The following FSTL4 variants were observed in gnomAD, a reference collection of about 807,000 sequenced individuals.
FSTL4 encodes the protein follistatin-related protein 4.
A neutral mutation model predicts 78.2 loss-of-function variants in FSTL4; 28 were observed. The ratio of observed to expected loss-of-function variants is 0.36; its 90% CI spans 0.27 to 0.49. The LOEUF (loss-of-function observed/expected upper bound fraction) is 0.49. FSTL4 is among the 20% of genes least tolerant of loss of function. The probability of loss-of-function intolerance (pLI) is 0.98; values close to 1 mark genes in which losing one functional copy is unlikely to be tolerated. For missense variants in FSTL4, 922 were observed against 1,084.9 expected (o/e 0.85, Z 2.11); for synonymous variants, 422 against 440.5 (o/e 0.96, Z 0.53).
At chr5:133,615,849 AAAG>A (rs1003180201), upstream of FSTL4, among the ~76,000 whole-genome samples, 2 of 152,124 alleles carry the variant, frequency 1.3e-5, no homozygotes, top group Non-Finnish European at 2.9e-5. Flanking sequence ...TTTTCGAGAC[AAAG>A]AAGAAGTGGT....
At chr5:133,730,791 C>T in the FSTL4 span, among the ~76,000 whole-genome samples, 2 of 152,180 alleles carry the variant, frequency 1.3e-5, no homozygotes, top group African/African-American at 4.8e-5. Context: ...GAAACCAGCC[C>T]ATCTGTCTGG....
intron 3 of FSTL4, among the ~76,000 whole-genome samples, chr5:133,564,857 T>C (rs1309468950): frequency 2.6e-5 from 4 of 152,210 alleles, no homozygotes; most frequent in African/African-American, 9.7e-5. Flanking sequence ...CCCACTATGA[T>C]TTGGCTTGGA....
Position 133,225,090 on chromosome 5 carries a change from C to T in FSTL4, c.1312+60G>A, listed in dbSNP as rs1310090772. On this transcript the variant is annotated intron_variant, in intron 10 of 15. Coordinates refer to ENST00000265342, the MANE Select transcript of FSTL4 (RefSeq NM_015082.2). The surrounding 1 kb of genome is among the most constrained non-coding windows in gnomAD (Gnocchi z 4.6). ...GTGGCCCTGGTCAATTGGTGCCCTCCCTTGCCACCCAACACCTCCCAGCCA... is the reference window on the plus strand; with the variant it reads ...GTGGCCCTGGTCAATTGGTGCCCTCTCTTGCCACCCAACACCTCCCAGCCA... 1 of 1,602,360 alleles carries T rather than the reference C, an allele frequency of 6.2e-7. No homozygotes were observed. The highest frequency in any genetic ancestry group is 1.3e-5 in the African/African-American group (1 of 74,736).
intron 4 of FSTL4, among the ~76,000 whole-genome samples, chr5:133,346,478 T>A (rs984163619): frequency 1.3e-5 from 2 of 152,248 alleles, no homozygotes; most frequent in African/African-American, 4.8e-5. Flanking sequence ...GTGTTGCTAA[T>A]GCCAATCTGC....
Position 133,225,231 on chromosome 5 carries a change from A to T in FSTL4, c.1231T>A (p.Tyr411Asn), listed in dbSNP as rs961714184. The T allele has an allele frequency of 6.2e-7, 1 of 1,613,912 alleles. No individual in the cohort carries two copies. The highest frequency in any genetic ancestry group is 1.3e-5 in the African/African-American group (1 of 74,940). ...ACTTCATTTTTGGCAATGCAGGTGTATGCCCCTGTGTCTTCATACCGAACA... is the reference window on the plus strand; with the variant it reads ...ACTTCATTTTTGGCAATGCAGGTGTTTGCCCCTGTGTCTTCATACCGAACA... ...SSVRYEDTGA[Y>N]TCIAKNEVGV... is the part of the protein sequence containing the mutation. The change falls in exon 10 of 16, where the codon TAC (tyrosine) becomes AAC (asparagine). Residue 411 changes from tyrosine to asparagine, a missense_variant. Coordinates refer to ENST00000265342, the MANE Select transcript of FSTL4 (RefSeq NM_015082.2). The surrounding 1 kb of genome is among the most constrained non-coding windows in gnomAD (Gnocchi z 4.6).
At chr5:133,487,590 A>G (rs375892154) in intron 3 of FSTL4, among the ~76,000 whole-genome samples, 9 of 152,118 alleles carry the variant, frequency 5.9e-5, no homozygotes, top group African/African-American at 1.9e-4. Context: ...AGTGTCTCCC[A>G]AGTTGATGTA....
chr5:133,656,720 A>G, the FSTL4 span, among the ~76,000 whole-genome samples: 515 of 152,284 alleles, frequency 3.4e-3, 1 homozygote, highest in African/African-American at 0.012. Context: ...GTGCCTTGAT[A>G]AGGAATTGGC....
intron 3 of FSTL4, among the ~76,000 whole-genome samples, chr5:133,511,932 A>T (rs1007555315): frequency 2.0e-5 from 3 of 152,050 alleles, no homozygotes; most frequent in Admixed American, 1.3e-4. Context: ...GAGCAACCAC[A>T]GCTGCATGGT....
the FSTL4 span, among the ~76,000 whole-genome samples, chr5:133,786,586 G>T: frequency 6.6e-6 from 1 of 152,208 alleles, no homozygotes; most frequent in Admixed American, 6.5e-5. Context: ...GGTCAAACAA[G>T]TCTAGCCTCG....
intron 3 of FSTL4, among the ~76,000 whole-genome samples, chr5:133,482,656 G>A (rs1758051605): frequency 6.6e-6 from 1 of 152,206 alleles, no homozygotes; most frequent in Non-Finnish European, 1.5e-5. Context: ...TGAGCAGGTG[G>A]CAGGGGCTGT....
chr5:133,719,246 T>C, the FSTL4 span, among the ~76,000 whole-genome samples: 2 of 152,244 alleles, frequency 1.3e-5, no homozygotes, highest in African/African-American at 4.8e-5. Context: ...GTTTCAGTGA[T>C]TCTGTAAAGG....
chr5:133,798,669 G>A, the FSTL4 span, among the ~76,000 whole-genome samples: 6 of 152,022 alleles, frequency 3.9e-5, no homozygotes, highest in African/African-American at 4.8e-5. Flanking sequence ...GACATCCTGC[G>A]GTGGCCATAC....
rs141346380 is a variant in FSTL4 at position 133,384,903 on chromosome 5, C to T, written c.409+15835G>A. Among the ~76,000 whole-genome samples, 1,204 of 152,304 alleles carry T rather than the reference C, an allele frequency of 7.9e-3. 12 individuals are homozygous for T. Among genetic ancestry groups the T allele is most frequent in the African/African-American group, 0.028 (1,156 of 41,542 alleles). ...GAGAAACACCAATTGGCTTGTGGCT[C>T]CCCATGCTGGCTTCATATCCTAACC... is the stretch of plus-strand genomic sequence containing the variant. On this transcript the variant is annotated intron_variant, in intron 4 of 15. Coordinates refer to ENST00000265342, the MANE Select transcript of FSTL4 (RefSeq NM_015082.2).
At chr5:133,797,914 C>G in the FSTL4 span, among the ~76,000 whole-genome samples, 2 of 152,174 alleles carry the variant, frequency 1.3e-5, no homozygotes, top group African/African-American at 4.8e-5. Flanking sequence ...GCTCTAAAAA[C>G]AACCTCGTGG....
chr5:133,758,224 C>T, the FSTL4 span, among the ~76,000 whole-genome samples: 2 of 152,074 alleles, frequency 1.3e-5, no homozygotes, highest in Admixed American at 6.5e-5. Flanking sequence ...GACATGGCAG[C>T]TATAATTCAA....
intron 4 of FSTL4, among the ~76,000 whole-genome samples, chr5:133,396,464 A>C (rs1164402346): frequency 6.6e-6 from 1 of 152,094 alleles, no homozygotes; most frequent in Non-Finnish European, 1.5e-5. Context: ...TGCTATAGGG[A>C]CTGCTCCAGC....
At chr5:133,683,376 T>C in the FSTL4 span, among the ~76,000 whole-genome samples, 895 of 148,274 alleles carry the variant, frequency 6.0e-3, 8 homozygotes, top group African/African-American at 0.022. Flanking sequence ...GCTCACATTT[T>C]CAATAACTCA....
At chr5:133,423,981 G>T (rs10479040) in intron 3 of FSTL4, among the ~76,000 whole-genome samples, 1,676 of 152,300 alleles carry the variant, frequency 0.011, 29 homozygotes, top group African/African-American at 0.038. Flanking sequence ...CGGTTCACCA[G>T]CTTACCACCA....
chr5:133,718,410 G>C, the FSTL4 span, among the ~76,000 whole-genome samples: 3 of 152,290 alleles, frequency 2.0e-5, no homozygotes, highest in East Asian at 5.8e-4. Context: ...ACTCTAAAGA[G>C]TATGTAGTGG....
Sources: gnomAD v4.1 joint callset for allele counts (sites outside exome capture counted in the v4.1 genomes callset) on GRCh38, gnomAD v4.1.1 for gene constraint, Gnocchi (gnomAD v3.1) non-coding constraint, MANE v1.5 for transcripts, NCBI Gene and HGNC (gene_info 2026-07-23, HGNC 2026-07-21) for gene names.